FAR2: variants seen among roughly 807,000 people sequenced by gnomAD.
FAR2 encodes epididymis secretory protein Li 81.
A neutral mutation model predicts 56.0 loss-of-function variants in FAR2; 19 were observed. The observed-to-expected ratio is 0.34, with a 90% CI of 0.24 to 0.50. FAR2 has a LOEUF of 0.50. Ranked by LOEUF, FAR2 falls within the 20% of genes least tolerant of loss-of-function variation. FAR2 has a pLI of 0.98. For missense variants in FAR2, 508 were observed against 642.2 expected (o/e 0.79, Z 2.26); for synonymous variants, 219 against 218.8 (o/e 1.00, Z -0.01).
At chr12:29,155,375 G>C (rs1949718056) in intron 1 of FAR2, among the ~76,000 whole-genome samples, 1 of 152,164 alleles carries the variant, frequency 6.6e-6, no homozygotes, top group South Asian at 2.1e-4. Context: ...GCATTTGCAT[G>C]GTGGTAGGCT....
intron 1 of FAR2, among the ~76,000 whole-genome samples, chr12:29,177,198 A>C (rs1056405744): frequency 2.6e-5 from 4 of 152,200 alleles, no homozygotes; most frequent in Non-Finnish European, 5.9e-5. Flanking sequence ...AGTGCCTTCA[A>C]ACAAACACCC....
At chr12:29,328,522 A>T (rs9739289) in intron 10 of FAR2, among the ~76,000 whole-genome samples, 152,231 of 152,256 alleles carry the variant, frequency 1, 76,103 homozygotes, top group Non-Finnish European at 1. Flanking sequence ...TGGACTGGAT[A>T]AAGAAAATGT....
At chr12:29,325,928 C>CA (rs1331298201) in intron 10 of FAR2, among the ~76,000 whole-genome samples, 20 of 151,840 alleles carry the variant, frequency 1.3e-4, no homozygotes, top group Middle Eastern at 3.4e-3. Flanking sequence ...AATAGAGACC[C>CA]AAAAAAACCC....
At chr12:29,261,992 C>T (rs1368822740) in intron 1 of FAR2, among the ~76,000 whole-genome samples, 1 of 152,202 alleles carries the variant, frequency 6.6e-6, no homozygotes, top group Middle Eastern at 3.2e-3. Flanking sequence ...TGAAAGCTCA[C>T]TGGTAATAAG....
chr12:29,178,144 G>A (rs1188942613), intron 1 of FAR2, among the ~76,000 whole-genome samples: 1 of 150,584 alleles, frequency 6.6e-6, no homozygotes, highest in Admixed American at 6.6e-5. Flanking sequence ...CAGAAATAGT[G>A]GCCTAAATGG....
chr12:29,265,225 C>T (rs1344768573), intron 1 of FAR2, among the ~76,000 whole-genome samples: 1 of 152,120 alleles, frequency 6.6e-6, no homozygotes, highest in Non-Finnish European at 1.5e-5. Flanking sequence ...CCAAAGCTAT[C>T]CTGGGCAAAA....
intron 1 of FAR2, among the ~76,000 whole-genome samples, chr12:29,152,299 TTAAAA>T (rs1949687537): frequency 6.6e-6 from 1 of 152,238 alleles, no homozygotes; most frequent in Admixed American, 6.5e-5. Flanking sequence ...AAGTCATCCT[TTAAAA>T]TATCCTAGGA....
chr12:29,154,491 G>C (rs1055540837), intron 1 of FAR2, among the ~76,000 whole-genome samples: 1 of 151,750 alleles, frequency 6.6e-6, no homozygotes, highest in Admixed American at 6.6e-5. Flanking sequence ...CTGGAGTGCA[G>C]TGGTGTGATC....
Position 29,293,371 on chromosome 12 carries a change from T to A in FAR2, c.261T>A (p.Asn87Lys), listed in dbSNP as rs757818467. 1 of 1,612,868 alleles carries A rather than the reference T, an allele frequency of 6.2e-7. No homozygotes were observed. The highest frequency in any genetic ancestry group is 8.5e-7 in the Non-Finnish European group (1 of 1,179,624). Residue 87 changes from asparagine (N) to lysine (K), a missense_variant, in exon 3 of 12, where the codon AAT becomes AAA. Transcript: ENST00000536681. ...TCAGAGCTATTTATGCAGATCTCAATCAGAATGACTTTGCCATCAGCAAAG... is the reference window on the plus strand; with the variant it reads ...TCAGAGCTATTTATGCAGATCTCAAACAGAATGACTTTGCCATCAGCAAAG... The part of the protein sequence containing the change: ...EKIRAIYADL[N>K]QNDFAISKED...
At chr12:29,255,610 T>C (rs1452029990) in intron 1 of FAR2, among the ~76,000 whole-genome samples, 1 of 152,020 alleles carries the variant, frequency 6.6e-6, no homozygotes, top group Non-Finnish European at 1.5e-5. Context: ...TATCACTACT[T>C]TCTTTTTTCT....
chr12:29,160,167 T>G (rs556732673), intron 1 of FAR2, among the ~76,000 whole-genome samples: 1 of 152,358 alleles, frequency 6.6e-6, no homozygotes, highest in South Asian at 2.1e-4. Context: ...TTTAGTTCCT[T>G]GAAGTCCTCT....
chr12:29,240,795 A>G (rs927630030), intron 1 of FAR2, among the ~76,000 whole-genome samples: 12 of 91,624 alleles, frequency 1.3e-4, no homozygotes, highest in Admixed American at 4.4e-4. Flanking sequence ...GTGTGTGTGT[A>G]TGTATATTTT....
intron 8 of FAR2, among the ~76,000 whole-genome samples, chr12:29,315,831 A>G (rs954355266): frequency 6.6e-6 from 1 of 152,212 alleles, no homozygotes; most frequent in African/African-American, 2.4e-5. Flanking sequence ...TGGGAGTATC[A>G]GGAGGCCAAT....
chr12:29,213,429 C>G (rs1947578937), intron 1 of FAR2, among the ~76,000 whole-genome samples: 2 of 152,122 alleles, frequency 1.3e-5, no homozygotes, highest in South Asian at 4.1e-4. Context: ...GTGGCTCACG[C>G]CTGTCATTCC....
intron 1 of FAR2, among the ~76,000 whole-genome samples, chr12:29,162,445 AT>A (rs2136578927): frequency 6.6e-6 from 1 of 152,348 alleles, no homozygotes; most frequent in African/African-American, 2.4e-5. Flanking sequence ...TCTGCAGCCC[AT>A]TTTGACTGTG....
intron 8 of FAR2, among the ~76,000 whole-genome samples, chr12:29,315,157 G>C (rs76135552): frequency 1.6e-3 from 244 of 152,314 alleles, no homozygotes; most frequent in African/African-American, 5.2e-3. Flanking sequence ...GCCAAGGAAA[G>C]TCTCCCTGAT....
At chr12:29,164,456 C>T (rs1251520144) in intron 1 of FAR2, among the ~76,000 whole-genome samples, 3 of 152,222 alleles carry the variant, frequency 2.0e-5, no homozygotes, top group African/African-American at 7.2e-5. Context: ...CACCCTCACT[C>T]CCTCCCTAGC....
intron 1 of FAR2, among the ~76,000 whole-genome samples, chr12:29,203,216 T>C (rs1351131895): frequency 6.6e-6 from 1 of 152,242 alleles, no homozygotes; most frequent in African/African-American, 2.4e-5. Context: ...CTTAAAGTTG[T>C]GGTCTTTGGT....
chr12:29,287,247 T>C (rs1948893167), intron 2 of FAR2, among the ~76,000 whole-genome samples: 1 of 152,214 alleles, frequency 6.6e-6, no homozygotes, highest in Non-Finnish European at 1.5e-5. Flanking sequence ...CCCTGCTATA[T>C]GCCGAAAGTT....
Sources: allele counts gnomAD v4.1 joint callset (sites outside exome capture counted in the v4.1 genomes callset), GRCh38; gene constraint gnomAD v4.1.1; transcripts MANE v1.5; gene names NCBI Gene and HGNC (gene_info 2026-07-23, HGNC 2026-07-21).